PDE7B: variants seen among roughly 807,000 people sequenced by gnomAD.
The protein encoded by PDE7B is phosphodiesterase 7B.
PDE7B carries 29 observed loss-of-function variants against 56.2 expected under a neutral mutation model. The ratio of observed to expected loss-of-function variants is 0.52; its 90% CI spans 0.38 to 0.70. The LOEUF (loss-of-function observed/expected upper bound fraction) is 0.70, where lower values mean the gene tolerates loss of function less well. Among genes scored for constraint, PDE7B ranks in the 30% least tolerant of loss-of-function variants. The probability of loss-of-function intolerance (pLI) is 0.00; values close to 1 mark genes in which losing one functional copy is unlikely to be tolerated. For synonymous variants in PDE7B, 197 were observed against 196.9 expected, an observed-to-expected ratio of 1.00 and a Z score of 0.00; for missense variants, 490 against 565.0, an observed-to-expected ratio of 0.87 and a Z score of 1.35.
intron 1 of PDE7B, among the ~76,000 whole-genome samples, chr6:135,903,606 G>A (rs1288783162): frequency 6.6e-6 from 1 of 152,172 alleles, no homozygotes; most frequent in Non-Finnish European, 1.5e-5. Flanking sequence ...AAACTGTGCT[G>A]GAAGGACTGC....
intron 2 of PDE7B, among the ~76,000 whole-genome samples, chr6:136,048,101 CAG>C (rs1342155455): frequency 1.3e-5 from 2 of 151,262 alleles, no homozygotes; most frequent in African/African-American, 4.9e-5. Context: ...GACAGACAGA[CAG>C]ACAGACAGAT....
chr6:136,189,783 C>T (rs1252568299), intron 12 of PDE7B, among the ~76,000 whole-genome samples: 1 of 146,182 alleles, frequency 6.8e-6, no homozygotes, highest in African/African-American at 2.5e-5. Context: ...GTCAGCTCAT[C>T]CCTTGAGAAA....
chr6:135,885,538 A>G (rs1220277440), intron 1 of PDE7B, among the ~76,000 whole-genome samples: 1 of 152,198 alleles, frequency 6.6e-6, no homozygotes, highest in Non-Finnish European at 1.5e-5. Context: ...AAATGTTCAG[A>G]AAAATAAGAG....
chr6:136,133,657 G>A (rs1778157804), intron 3 of PDE7B, among the ~76,000 whole-genome samples: 1 of 152,054 alleles, frequency 6.6e-6, no homozygotes, highest in Admixed American at 6.6e-5. Context: ...GGTAAGCTAG[G>A]CACCATAATA....
chr6:135,971,766 G>A (rs998004101), intron 2 of PDE7B, among the ~76,000 whole-genome samples: 6 of 151,992 alleles, frequency 3.9e-5, no homozygotes, highest in Admixed American at 6.6e-5. Flanking sequence ...AACTACCCAC[G>A]GCACCTATCC....
intron 2 of PDE7B, among the ~76,000 whole-genome samples, chr6:136,062,847 G>T (rs1776866072): frequency 6.6e-6 from 1 of 152,192 alleles, no homozygotes; most frequent in South Asian, 2.1e-4. Context: ...CTCTAGGCAT[G>T]CACTAGAATC....
At chr6:135,888,515 G>A (rs1775751296) in intron 1 of PDE7B, among the ~76,000 whole-genome samples, 1 of 151,782 alleles carries the variant, frequency 6.6e-6, no homozygotes, top group Admixed American at 6.6e-5. Flanking sequence ...CTTAGAATAG[G>A]TTCTTGTTAT....
chr6:136,055,597 A>G (rs1583854425), intron 2 of PDE7B, among the ~76,000 whole-genome samples: 1 of 152,248 alleles, frequency 6.6e-6, no homozygotes, highest in Admixed American at 6.5e-5. Context: ...CCAAAGATCC[A>G]GAAAGACTGG....
rs151326408 is a variant in PDE7B, at chr6:135,909,900, T to C, written c.22-37564T>C. On this transcript the variant is annotated intron_variant, in intron 1 of 12. Transcript: ENST00000308191. ...GCAAACGCAGGTGTGATCTTGGGACTAGCTCTAGGCTGAAGAGCTCACATC... is the reference window on the plus strand; with the variant it reads ...GCAAACGCAGGTGTGATCTTGGGACCAGCTCTAGGCTGAAGAGCTCACATC... Among the ~76,000 whole-genome samples the C allele has an allele frequency of 1.0e-3, 159 of 152,236 alleles. 1 individual carries two copies. The highest frequency in any genetic ancestry group is 3.6e-3 in the African/African-American group (148 of 41,550).
chr6:135,875,956 C>T (rs950003951), intron 1 of PDE7B, among the ~76,000 whole-genome samples: 1 of 151,914 alleles, frequency 6.6e-6, no homozygotes, highest in Non-Finnish European at 1.5e-5. Flanking sequence ...AGGTCTTCTG[C>T]AAAGGACACA....
In PDE7B at chr6:136,178,658, G is replaced by A. The variant is rs146861897; in HGVS notation, c.804-339G>A. ...CATGTTTGAACTCTAAAAACACACC[G>A]CCAATCTCATGATTCTACAAGTCTT... is the stretch of plus-strand genomic sequence containing the variant. On this transcript the variant is annotated intron_variant, in intron 9 of 12. Coordinates refer to ENST00000308191, the MANE Select transcript of PDE7B (RefSeq NM_018945.4). Among the ~76,000 whole-genome samples the A allele has an allele frequency of 3.0e-4, 45 of 152,138 alleles. No homozygotes were observed. The South Asian group carries it at 5.6e-3, about 19-fold the overall frequency.
At chr6:136,082,998 G>T (rs964701086) in intron 2 of PDE7B, among the ~76,000 whole-genome samples, 1 of 152,198 alleles carries the variant, frequency 6.6e-6, no homozygotes. Flanking sequence ...TTAAAAGGTT[G>T]AATTCTGTTT....
At chr6:135,996,437 A>G (rs972698749) in intron 2 of PDE7B, among the ~76,000 whole-genome samples, 3 of 152,212 alleles carry the variant, frequency 2.0e-5, no homozygotes, top group African/African-American at 4.8e-5. Flanking sequence ...TTTAACTTAC[A>G]TATTGTATAG....
chr6:136,118,821 A>G (rs1026086465), intron 3 of PDE7B, among the ~76,000 whole-genome samples: 2 of 152,204 alleles, frequency 1.3e-5, no homozygotes, highest in African/African-American at 4.8e-5. Flanking sequence ...TTTTGGTATT[A>G]AATGACTTCA....
At chr6:136,084,081 A>C (rs1244955512) in intron 2 of PDE7B, among the ~76,000 whole-genome samples, 1 of 152,096 alleles carries the variant, frequency 6.6e-6, no homozygotes, top group South Asian at 2.1e-4. Context: ...CTTTCAACTA[A>C]CTACCAACTG....
chr6:136,157,927 G>T (rs1297444764), intron 8 of PDE7B, among the ~76,000 whole-genome samples: 1 of 152,172 alleles, frequency 6.6e-6, no homozygotes, highest in Non-Finnish European at 1.5e-5. Context: ...TCTCTGATCA[G>T]TGTGTTGTGC....
intron 3 of PDE7B, among the ~76,000 whole-genome samples, chr6:136,117,469 A>G (rs1177149774): frequency 6.6e-6 from 1 of 152,206 alleles, no homozygotes; most frequent in Non-Finnish European, 1.5e-5. Context: ...TATCTTTTGT[A>G]TGTTTTCAAA....
At chr6:136,062,875 C>T (rs1035550190) in intron 2 of PDE7B, among the ~76,000 whole-genome samples, 4 of 152,198 alleles carry the variant, frequency 2.6e-5, no homozygotes, top group Admixed American at 2.6e-4. Flanking sequence ...TGATTCTAGC[C>T]CATCTCAGAT....
intron 1 of PDE7B, among the ~76,000 whole-genome samples, chr6:135,863,692 ATTTT>A (rs200974005): frequency 2.2e-5 from 3 of 138,604 alleles, no homozygotes; most frequent in African/African-American, 2.6e-5. Flanking sequence ...ATCCCTTCCA[ATTTT>A]TTTTTTTTTT....
Sources: allele counts gnomAD v4.1 joint callset (sites outside exome capture counted in the v4.1 genomes callset), GRCh38; gene constraint gnomAD v4.1.1; transcripts MANE v1.5; gene names NCBI Gene and HGNC (gene_info 2026-07-23, HGNC 2026-07-21).